SUSD4: variants seen among roughly 807,000 people sequenced by gnomAD.
SUSD4 encodes the protein sushi domain containing 4.
A neutral mutation model predicts 50.5 loss-of-function variants in SUSD4; 41 were observed. The observed-to-expected ratio is 0.81, with a 90% confidence interval of 0.63 to 1.05. SUSD4 has a LOEUF of 1.05. Among genes scored for constraint, SUSD4 ranks in the 50% least tolerant of loss-of-function variants. The pLI is 0.00. For missense variants in SUSD4, 580 were observed against 634.7 expected, an observed-to-expected ratio of 0.91 and a Z score of 0.93; for synonymous variants, 257 against 257.3, an observed-to-expected ratio of 1.00 and a Z score of 0.01.
At chr1:223,325,399 G>T (rs1666816866) in intron 2 of SUSD4, among the ~76,000 whole-genome samples, 1 of 152,114 alleles carries the variant, frequency 6.6e-6, no homozygotes, top group African/African-American at 2.4e-5. Context: ...TCCAAGGAAA[G>T]AAAATTCATA....
At chr1:223,252,649 G>C (rs1192130614) in intron 5 of SUSD4, among the ~76,000 whole-genome samples, 1 of 152,014 alleles carries the variant, frequency 6.6e-6, no homozygotes, top group African/African-American at 2.4e-5. Context: ...GACTGATGTA[G>C]GCACAGGTGT....
chr1:223,281,497 A>G (rs1309464817), intron 3 of SUSD4, among the ~76,000 whole-genome samples: 2 of 152,236 alleles, frequency 1.3e-5, no homozygotes, highest in African/African-American at 4.8e-5. Context: ...GAAGAAATGG[A>G]TAAATTCCTC....
chr1:223,236,345 T>G (rs1660218826), intron 5 of SUSD4, among the ~76,000 whole-genome samples: 1 of 152,202 alleles, frequency 6.6e-6, no homozygotes, highest in South Asian at 2.1e-4. Context: ...CAGAAGTTGT[T>G]AATTTTAATG....
In SUSD4 at chr1:223,229,393, G is replaced by T; in HGVS notation, c.725-5C>A. On this transcript the variant is annotated splice_polypyrimidine_tract_variant and splice_region_variant and intron_variant, in intron 5 of 8. Coordinates refer to ENST00000366878, the MANE Select transcript of SUSD4 (RefSeq NM_017982.4). The surrounding 1 kb of genome is among the most constrained non-coding windows in gnomAD (Gnocchi z 4.7). ...CCATTGGAGGTAGTGGACAGACTTG[G>T]GCAGTAGGGGAGAATAAAAGTTTCA... is the stretch of plus-strand genomic sequence containing the variant. The T allele has an allele frequency of 1.3e-6, 2 of 1,579,150 alleles. No homozygotes were observed. Among genetic ancestry groups the T allele is most frequent in the Non-Finnish European group, 1.7e-6 (2 of 1,153,056 alleles).
At chr1:223,322,455 G>T (rs1288706719) in intron 2 of SUSD4, among the ~76,000 whole-genome samples, 1 of 152,144 alleles carries the variant, frequency 6.6e-6, no homozygotes, top group East Asian at 1.9e-4. Context: ...CTAACACATC[G>T]ATTTTTCAAT....
At chr1:223,327,332 G>T (rs1378514156) in intron 2 of SUSD4, among the ~76,000 whole-genome samples, 1 of 152,144 alleles carries the variant, frequency 6.6e-6, no homozygotes, top group Non-Finnish European at 1.5e-5. Flanking sequence ...CTCAGAAGTG[G>T]GAGGAGACTG....
intron 2 of SUSD4, among the ~76,000 whole-genome samples, chr1:223,349,858 C>A (rs61838250): frequency 0.19 from 28,827 of 152,224 alleles, 3,308 homozygotes; most frequent in Non-Finnish European, 0.27. Flanking sequence ...CTGCTAAGAG[C>A]TGAATTGTAT....
At chr1:223,317,873 A>C (rs1358019364) in intron 2 of SUSD4, among the ~76,000 whole-genome samples, 1 of 36,786 alleles carries the variant, frequency 2.7e-5, no homozygotes, top group Non-Finnish European at 5.4e-5. Flanking sequence ...TTTTTTTATT[A>C]TACTCTAAGT....
intron 2 of SUSD4, chr1:223,358,945 C>A: frequency 2.6e-6 from 1 of 388,534 alleles, no homozygotes; most frequent in Non-Finnish European, 5.5e-6. Flanking sequence ...AGGGACTTAA[C>A]ACTACAAATC....
intron 3 of SUSD4, among the ~76,000 whole-genome samples, chr1:223,289,579 G>A (rs1444558613): frequency 6.6e-6 from 1 of 152,162 alleles, no homozygotes; most frequent in Non-Finnish European, 1.5e-5. Context: ...TAAAAAATCT[G>A]CATCTCAGAC....
intron 5 of SUSD4, among the ~76,000 whole-genome samples, chr1:223,249,866 C>G (rs1462594028): frequency 6.6e-6 from 1 of 152,006 alleles, no homozygotes; most frequent in South Asian, 2.1e-4. Context: ...AAGACATGGA[C>G]AGTGAAAAGA....
chr1:223,222,353 C>G lies in SUSD4; in HGVS notation c.1445-133G>C, dbSNP rs1373855628. 3 of 792,028 alleles carry G rather than the reference C, an allele frequency of 3.8e-6. No individual in the cohort carries two copies. In the East Asian group the frequency reaches 8.2e-5, roughly 22 times the overall value. The allele number at this position is 792,028 out of a possible 1,614,324, so 49.1% of individuals were successfully genotyped here. On this transcript the variant is annotated intron_variant, in intron 8 of 8. Transcript: ENST00000366878. Reference sequence around the variant, plus strand: ...GAAGAAAATGTTAAGTTCCACATACCAGTTAATAACCAAATAAATCAACCT... The same window carrying G: ...GAAGAAAATGTTAAGTTCCACATACGAGTTAATAACCAAATAAATCAACCT...
chr1:223,276,179 T>C (rs570793581), intron 3 of SUSD4, among the ~76,000 whole-genome samples: 3 of 152,368 alleles, frequency 2.0e-5, no homozygotes, highest in Admixed American at 2.0e-4. Context: ...GAAAAACTGC[T>C]TTCTGGGGAA....
chr1:223,263,817 T>G, intron 5 of SUSD4: 2 of 985,488 alleles, frequency 2.0e-6, no homozygotes, highest in Non-Finnish European at 2.4e-6. Flanking sequence ...TCCATTGTTT[T>G]GCTTTGTTTC....
At chr1:223,243,284 C>A (rs1310765463) in intron 5 of SUSD4, among the ~76,000 whole-genome samples, 1 of 152,202 alleles carries the variant, frequency 6.6e-6, no homozygotes, top group Non-Finnish European at 1.5e-5. Flanking sequence ...GGGCTGCCCG[C>A]CTTGCCCTGG....
chr1:223,249,914 A>G (rs546737901), intron 5 of SUSD4, among the ~76,000 whole-genome samples: 10 of 152,364 alleles, frequency 6.6e-5, no homozygotes, highest in African/African-American at 2.4e-4. Context: ...AGAACAGAAT[A>G]GGAGAAAGTG....
At chr1:223,235,172 C>T in intron 5 of SUSD4, 2 of 1,449,056 alleles carry the variant, frequency 1.4e-6, no homozygotes, top group Middle Eastern at 1.9e-4. Flanking sequence ...AAACCTAAAG[C>T]CCTTTTCTTT....
At chr1:223,257,076 T>C (rs993394689) in intron 5 of SUSD4, among the ~76,000 whole-genome samples, 3 of 152,224 alleles carry the variant, frequency 2.0e-5, no homozygotes, top group Non-Finnish European at 4.4e-5. Flanking sequence ...GTTTTAGTTA[T>C]AACAGCTGCA....
chr1:223,292,515 T>C lies in SUSD4; in HGVS notation c.285A>G (p.Thr95=), dbSNP rs1664556568. Residue 95 remains threonine, a synonymous_variant, in exon 3 of 9, where the codon ACA becomes ACG. Coordinates refer to ENST00000366878, the MANE Select transcript of SUSD4 (RefSeq NM_017982.4). ...TAAAATGCTTCAAACACAGTCTCTTTGTAGCGCCCTTCAGCTTGAATCCGT... is the reference window on the plus strand; with the variant it reads ...TAAAATGCTTCAAACACAGTCTCTTCGTAGCGCCCTTCAGCTTGAATCCGT... The part of the protein sequence containing the change: ...CQDGFKLKGA[T]KRLCLKHFNG... 6.2e-7 allele frequency: 1 copy of C among 1,614,202 alleles called. No individual in the cohort carries two copies. The highest frequency in any genetic ancestry group is 8.5e-7 in the Non-Finnish European group (1 of 1,180,018).
Sources: gnomAD v4.1 joint callset for allele counts (sites outside exome capture counted in the v4.1 genomes callset) on GRCh38, gnomAD v4.1.1 for gene constraint, Gnocchi (gnomAD v3.1) non-coding constraint, MANE v1.5 for transcripts, NCBI Gene and HGNC (gene_info 2026-07-23, HGNC 2026-07-21) for gene names.